The following IL1RAPL1 variants were observed in gnomAD, a reference collection of about 807,000 sequenced individuals.
IL1RAPL1 encodes interleukin-1 receptor accessory protein-like 1.
Under a neutral mutation model 48.4 loss-of-function variants are expected in IL1RAPL1, and 3 were observed. The ratio of observed to expected loss-of-function variants is 0.06; its 90% CI spans 0.03 to 0.16. IL1RAPL1 has a LOEUF of 0.16. IL1RAPL1 is among the 10% of genes least tolerant of loss of function. IL1RAPL1 has a pLI of 1.00. For synonymous variants in IL1RAPL1, 185 were observed against 187.7 expected (o/e 0.99, Z 0.12); for missense variants, 349 against 530.6 (o/e 0.66, Z 3.36).
intron 2 of IL1RAPL1, among the ~76,000 whole-genome samples, chrX:29,086,922 A>C (rs1430909453): frequency 9.0e-6 from 1 of 111,352 alleles, no homozygotes; most frequent in Non-Finnish European, 1.9e-5. Context: ...TTAGTTTAAC[A>C]AGTGAAAATA....
chrX:28,871,534 T>C (rs1922207756), intron 2 of IL1RAPL1, among the ~76,000 whole-genome samples: 1 of 111,700 alleles, frequency 9.0e-6, no homozygotes, highest in Non-Finnish European at 1.9e-5. Flanking sequence ...TTCATCAGAA[T>C]CTCCTAAGAG....
chrX:29,916,279 T>C (rs1601881806), intron 6 of IL1RAPL1, among the ~76,000 whole-genome samples: 1 of 110,869 alleles, frequency 9.0e-6, no homozygotes, highest in East Asian at 2.9e-4. Flanking sequence ...ATGGGATAGC[T>C]GGGTCAAATG....
chrX:29,024,620 G>A (rs746980143), intron 2 of IL1RAPL1, among the ~76,000 whole-genome samples: 1 of 111,957 alleles, frequency 8.9e-6, no homozygotes, highest in Non-Finnish European at 1.9e-5. Context: ...TTACTTAGCA[G>A]CTATATCTTA....
intron 6 of IL1RAPL1, among the ~76,000 whole-genome samples, chrX:29,785,002 A>T (rs1040157962): frequency 8.9e-6 from 1 of 112,168 alleles, no homozygotes; most frequent in African/African-American, 3.2e-5. Context: ...AAATAGAAAA[A>T]CATGTCTATA....
chrX:29,496,904 C>T (rs954033711), intron 5 of IL1RAPL1, among the ~76,000 whole-genome samples: 2 of 111,963 alleles, frequency 1.8e-5, no homozygotes, highest in Non-Finnish European at 3.8e-5. Context: ...CTTAACTTCT[C>T]AGTGATTGGA....
intron 1 of IL1RAPL1, among the ~76,000 whole-genome samples, chrX:28,684,339 A>G (rs998917922): frequency 1.8e-5 from 2 of 111,873 alleles, no homozygotes; most frequent in African/African-American, 3.2e-5. Context: ...GAGTCTGTCT[A>G]GTGTTTACAA....
intron 1 of IL1RAPL1, among the ~76,000 whole-genome samples, chrX:28,682,339 C>T (rs186138245): frequency 9.0e-5 from 10 of 110,536 alleles, no homozygotes; most frequent in African/African-American, 3.3e-4. Context: ...AATGGAGTCT[C>T]ATTCTGTCGC....
chrX:29,824,145 G>T (rs1156234472), intron 6 of IL1RAPL1, among the ~76,000 whole-genome samples: 1 of 111,526 alleles, frequency 9.0e-6, no homozygotes, highest in Non-Finnish European at 1.9e-5. Flanking sequence ...AGACTGTTTT[G>T]ATAAGCTCCA....
intron 9 of IL1RAPL1, among the ~76,000 whole-genome samples, chrX:29,951,005 G>A (rs770466117): frequency 9.0e-5 from 10 of 111,464 alleles, no homozygotes; most frequent in Non-Finnish European, 1.7e-4. Flanking sequence ...ATGAATCACA[G>A]TAAGAAGCTA....
At chrX:29,918,143 AAATATAT>A (rs1159086635) in intron 7 of IL1RAPL1, among the ~76,000 whole-genome samples, 1 of 60,420 alleles carries the variant, frequency 1.7e-5, no homozygotes, top group African/African-American at 8.3e-5. Flanking sequence ...AAAAAAAAAA[AAATATAT>A]ATATATATAT....
intron 5 of IL1RAPL1, among the ~76,000 whole-genome samples, chrX:29,461,415 G>A (rs1229939351): frequency 3.6e-5 from 4 of 111,201 alleles, no homozygotes; most frequent in African/African-American, 9.8e-5. Context: ...TACTATATAC[G>A]TAACTATAAA....
intron 5 of IL1RAPL1, among the ~76,000 whole-genome samples, chrX:29,527,648 T>A (rs781389933): frequency 2.7e-5 from 3 of 110,790 alleles, no homozygotes; most frequent in Non-Finnish European, 5.7e-5. Context: ...TAAGTATGAC[T>A]AAAAATTCAA....
At chrX:29,276,509 A>T (rs891629655) in intron 2 of IL1RAPL1, among the ~76,000 whole-genome samples, 1 of 112,003 alleles carries the variant, frequency 8.9e-6, no homozygotes, top group Middle Eastern at 4.7e-3. Context: ...TACAAACAAT[A>T]GTTATAAGCG....
intron 5 of IL1RAPL1, among the ~76,000 whole-genome samples, chrX:29,656,138 A>T (rs991117866): frequency 5.3e-5 from 6 of 113,061 alleles, no homozygotes; most frequent in Non-Finnish European, 7.5e-5. Flanking sequence ...AGTTACCAAA[A>T]AAAATGGTTT....
intron 2 of IL1RAPL1, among the ~76,000 whole-genome samples, chrX:29,107,816 T>C (rs1928478151): frequency 8.9e-6 from 1 of 112,424 alleles, no homozygotes; most frequent in Non-Finnish European, 1.9e-5. Flanking sequence ...GGTCGTTGGT[T>C]CAATACTTGG....
chrX:28,634,447 A>G (rs1934440761), intron 1 of IL1RAPL1, among the ~76,000 whole-genome samples: 1 of 109,284 alleles, frequency 9.2e-6, no homozygotes, highest in African/African-American at 3.3e-5. Context: ...ACGTATTTAT[A>G]TATGTATATA....
chrX:28,707,962 C>T (rs1935395067), intron 1 of IL1RAPL1, among the ~76,000 whole-genome samples: 1 of 110,668 alleles, frequency 9.0e-6, no homozygotes, highest in Admixed American at 9.7e-5. Flanking sequence ...TCTTTTTTTT[C>T]CAAAGCATCA....
chrX:29,070,578 T>C (rs2147440243), intron 2 of IL1RAPL1, among the ~76,000 whole-genome samples: 1 of 111,712 alleles, frequency 9.0e-6, no homozygotes, highest in Non-Finnish European at 1.9e-5. Flanking sequence ...AGTGCCATGT[T>C]TTCCCACATT....
At chrX:29,756,066 TA>T (rs1014409221) in intron 6 of IL1RAPL1, among the ~76,000 whole-genome samples, 3 of 111,790 alleles carry the variant, frequency 2.7e-5, no homozygotes, top group Non-Finnish European at 3.8e-5. Context: ...AGGGCTGTTA[TA>T]AAGATTAAAT....
Sources: allele counts gnomAD v4.1 joint callset (sites outside exome capture counted in the v4.1 genomes callset), GRCh38; gene constraint gnomAD v4.1.1; transcripts MANE v1.5; gene names NCBI Gene and HGNC (gene_info 2026-07-23, HGNC 2026-07-21).